The following TAS2R1 variants were observed in gnomAD, a reference collection of about 807,000 sequenced individuals.
TAS2R1 encodes the protein taste 2 receptor member 1, also known as taste receptor type 2 member 1.
For missense variants in TAS2R1, 370 were observed against 353.4 expected, an observed-to-expected ratio of 1.05 and a Z score of -0.38; for synonymous variants, 141 against 134.2, an observed-to-expected ratio of 1.05 and a Z score of -0.35.
At chr5:9,650,533 AC>A (rs369132582) in intron 2 of TAS2R1, among the ~76,000 whole-genome samples, 13 of 152,220 alleles carry the variant, frequency 8.5e-5, no homozygotes, top group African/African-American at 3.1e-4. Flanking sequence ...TTTGTTGGAC[AC>A]AGCACACCAA....
At chr5:9,879,486 T>C in the TAS2R1 span, among the ~76,000 whole-genome samples, 4 of 152,226 alleles carry the variant, frequency 2.6e-5, 1 homozygote, top group African/African-American at 9.6e-5. Context: ...AGTTTGTCCA[T>C]ACTTCTCCGG....
intron 1 of TAS2R1, among the ~76,000 whole-genome samples, chr5:9,706,276 A>G (rs1741608278): frequency 6.6e-6 from 1 of 152,122 alleles, no homozygotes; most frequent in Admixed American, 6.5e-5. Context: ...TGGGGAAGGG[A>G]GGAAGTAGAG....
intron 2 of TAS2R1, among the ~76,000 whole-genome samples, chr5:9,650,655 T>A (rs1161923313): frequency 2.0e-5 from 3 of 152,082 alleles, no homozygotes; most frequent in African/African-American, 7.2e-5. Flanking sequence ...CCTCTCCTAA[T>A]TCATCTCTAT....
the TAS2R1 span, among the ~76,000 whole-genome samples, chr5:9,871,497 A>G: frequency 1.3e-5 from 2 of 152,190 alleles, no homozygotes; most frequent in Non-Finnish European, 2.9e-5. Context: ...TCATCCCTGG[A>G]CACAGACGTA....
chr5:9,889,035 G>C, the TAS2R1 span, among the ~76,000 whole-genome samples: 1 of 152,208 alleles, frequency 6.6e-6, no homozygotes. Flanking sequence ...TCCCAGTAAT[G>C]GCTAAGTATC....
At chr5:9,704,099 T>C (rs1018161417) in intron 1 of TAS2R1, among the ~76,000 whole-genome samples, 7 of 152,190 alleles carry the variant, frequency 4.6e-5, no homozygotes, top group African/African-American at 1.7e-4. Flanking sequence ...ATTGGCACTC[T>C]GATAGGTGAA....
chr5:9,642,953 CTT>C (rs1485872547), intron 2 of TAS2R1, among the ~76,000 whole-genome samples: 2 of 151,800 alleles, frequency 1.3e-5, no homozygotes, highest in African/African-American at 2.4e-5. Context: ...CTCCTTCTCT[CTT>C]TCTTTCCCTT....
the TAS2R1 span, among the ~76,000 whole-genome samples, chr5:9,876,165 C>G: frequency 6.6e-6 from 1 of 150,992 alleles, no homozygotes; most frequent in African/African-American, 2.4e-5. Context: ...GCCTGGAACT[C>G]ACGAGCCCAG....
chr5:9,789,064 A>G, the TAS2R1 span, among the ~76,000 whole-genome samples: 1 of 152,112 alleles, frequency 6.6e-6, no homozygotes, highest in African/African-American at 2.4e-5. Flanking sequence ...TCTAAAGCAA[A>G]TACAACAAAA....
the TAS2R1 span, chr5:9,863,178 A>G: frequency 3.3e-5 from 5 of 151,790 alleles, no homozygotes; most frequent in African/African-American, 4.8e-5. Context: ...CTCTACCACC[A>G]TCACCACCTA....
At chr5:9,713,278 A>G (rs1734735311), upstream of TAS2R1, 1 of 152,228 alleles carries the variant, frequency 6.6e-6, no homozygotes, top group Admixed American at 6.5e-5. Flanking sequence ...TGAGGAGGAC[A>G]AACATAATAA....
At chr5:9,664,520 G>C (rs1740594624) in intron 1 of TAS2R1, among the ~76,000 whole-genome samples, 1 of 152,086 alleles carries the variant, frequency 6.6e-6, no homozygotes, top group African/African-American at 2.4e-5. Context: ...CATTTTCTTT[G>C]CTCCTGTTCT....
the TAS2R1 span, among the ~76,000 whole-genome samples, chr5:9,796,996 A>C: frequency 6.6e-6 from 1 of 152,100 alleles, no homozygotes; most frequent in Non-Finnish European, 1.5e-5. Context: ...TGCTCCATAT[A>C]TAGGCAACGT....
chr5:9,887,722 C>G, the TAS2R1 span, among the ~76,000 whole-genome samples: 1 of 152,144 alleles, frequency 6.6e-6, no homozygotes, highest in African/African-American at 2.4e-5. Flanking sequence ...ACCCTGTCCT[C>G]GAGGAGCTCA....
chr5:9,668,169 C>A (rs1479567888), intron 1 of TAS2R1, among the ~76,000 whole-genome samples: 2 of 152,086 alleles, frequency 1.3e-5, no homozygotes, highest in Admixed American at 6.6e-5. Context: ...AGGAAAGAAT[C>A]TCAGAGCTCC....
In TAS2R1 at chr5:9,656,073, A is replaced by G. The variant is rs957439668; in HGVS notation, c.-81+3348T>C. On this transcript the variant is annotated intron_variant, in intron 2 of 2. Transcript: ENST00000506620. ...GAGCACTTATCACACTGCACTTACT[A>G]TCCAGTTTTCCTACAATCCCCACAA... Among the ~76,000 whole-genome samples the G allele has an allele frequency of 2.6e-5, 4 of 152,216 alleles. No individual in the cohort carries two copies. In the South Asian group the frequency reaches 8.3e-4, roughly 32 times the overall value.
At chr5:9,761,319 T>C in the TAS2R1 span, among the ~76,000 whole-genome samples, 1 of 152,102 alleles carries the variant, frequency 6.6e-6, no homozygotes, top group South Asian at 2.1e-4. Context: ...CATTTTTTAT[T>C]TTCCTTGGAG....
rs973893748 is a variant in TAS2R1, at chr5:9,648,807, C to T, written c.-81+10614G>A. Among the ~76,000 whole-genome samples the T allele has an allele frequency of 6.6e-5, 10 of 152,168 alleles. No individual in the cohort carries two copies. The South Asian group carries it at 2.1e-3, about 32-fold the overall frequency. On this transcript the variant is annotated intron_variant, in intron 2 of 2. Transcript: ENST00000506620. ...CATATGGACCTCAAGCCAAATACAGCCACAGCAAGGCCACAGGCTCATGAA... is the reference window on the plus strand; with the variant it reads ...CATATGGACCTCAAGCCAAATACAGTCACAGCAAGGCCACAGGCTCATGAA...
intron 2 of TAS2R1, among the ~76,000 whole-genome samples, chr5:9,646,436 A>G (rs1740191504): frequency 6.6e-6 from 1 of 152,206 alleles, no homozygotes; most frequent in Admixed American, 6.5e-5. Flanking sequence ...ATTTGCATAT[A>G]TGTGGCTGCA....
Sources: gnomAD v4.1 joint callset for allele counts (sites outside exome capture counted in the v4.1 genomes callset) on GRCh38, gnomAD v4.1.1 for gene constraint, MANE v1.5 for transcripts, NCBI Gene and HGNC (gene_info 2026-07-23, HGNC 2026-07-21) for gene names.